Variants in DENND1B observed in about 807,000 individuals in gnomAD.
DENND1B encodes the protein DENN domain-containing protein 1B.
Under a neutral mutation model 90.1 loss-of-function variants are expected in DENND1B, and 59 were observed. That is an observed-to-expected ratio of 0.65 (90% confidence interval 0.53 to 0.81). DENND1B has a LOEUF of 0.81. Ranked by LOEUF, DENND1B falls within the 40% of genes least tolerant of loss-of-function variation. DENND1B has a pLI of 0.00. For synonymous variants in DENND1B, 337 were observed against 324.6 expected (o/e 1.04, Z -0.41); for missense variants, 862 against 912.6 (o/e 0.94, Z 0.71).
At chr1:197,694,681 A>G (rs1379976307) in intron 3 of DENND1B, among the ~76,000 whole-genome samples, 2 of 151,392 alleles carry the variant, frequency 1.3e-5, no homozygotes, top group Non-Finnish European at 3.0e-5. Flanking sequence ...TTGGGAAACC[A>G]GATTTATTTC....
At chr1:197,546,599 T>C in intron 17 of DENND1B, 134 bp downstream of exon 17, 1 of 814,828 alleles carries the variant, frequency 1.2e-6, no homozygotes, top group Non-Finnish European at 1.8e-6. Context: ...AATAAGAATA[T>C]TTAAAATGTG....
chr1:197,549,142 CA>C (rs1671033693), intron 16 of DENND1B, among the ~76,000 whole-genome samples: 2 of 152,094 alleles, frequency 1.3e-5, no homozygotes, highest in South Asian at 2.1e-4. Context: ...AAATTCTTAA[CA>C]TTATTTTTGT....
At chr1:197,583,285 A>G (rs766669241) in intron 14 of DENND1B, 32 bp from the exon 15 acceptor site, 3 of 1,600,338 alleles carry the variant, frequency 1.9e-6, no homozygotes, top group African/African-American at 1.3e-5. Flanking sequence ...AAGGGCATCA[A>G]TAAAAGGTTA....
chr1:197,618,908 C>T (rs530105029), intron 10 of DENND1B, among the ~76,000 whole-genome samples: 12 of 151,064 alleles, frequency 7.9e-5, no homozygotes, highest in Non-Finnish European at 1.5e-4. Flanking sequence ...CTATCCAAAT[C>T]CTATTATTAG....
Position 197,715,827 on chromosome 1 carries a change from C to G in DENND1B, c.83-753G>C, listed in dbSNP as rs372407040. Among the ~76,000 whole-genome samples the G allele has an allele frequency of 5.3e-5, 8 of 151,616 alleles. No homozygotes were observed. In the South Asian group the frequency reaches 8.3e-4, roughly 16 times the overall value. Reference sequence around the variant, plus strand: ...TGCTAAGATCTTAGTTTAGTAAGCACTAATAAATATTTTAGCCATATACTT... The same window carrying G: ...TGCTAAGATCTTAGTTTAGTAAGCAGTAATAAATATTTTAGCCATATACTT... On this transcript the variant is annotated intron_variant, in intron 2 of 22. Transcript: ENST00000620048.
rs528595144 is a variant in DENND1B at position 197,735,856 on chromosome 1, G to C, written c.83-20782C>G. On this transcript the variant is annotated intron_variant, in intron 2 of 22. Transcript: ENST00000620048. Reference sequence around the variant, plus strand: ...GAAATTCAAAAGAAAAGAACTTGCCGAGCAGTCAAATTGCAGGGGGCTATT... The same window carrying C: ...GAAATTCAAAAGAAAAGAACTTGCCCAGCAGTCAAATTGCAGGGGGCTATT... 8 of 1,595,584 alleles carry C rather than the reference G, an allele frequency of 5.0e-6. No homozygotes were observed. In the South Asian group the frequency reaches 7.7e-5, roughly 15 times the overall value.
upstream of DENND1B, among the ~76,000 whole-genome samples, chr1:197,780,245 T>C (rs1262658475): frequency 6.6e-6 from 1 of 151,912 alleles, no homozygotes; most frequent in Non-Finnish European, 1.5e-5. Context: ...TGAAGACCCA[T>C]AAGACCATGA....
intron 3 of DENND1B, chr1:197,685,549 T>G (rs1558400404): frequency 6.6e-6 from 1 of 152,204 alleles, no homozygotes; most frequent in Non-Finnish European, 1.5e-5. Flanking sequence ...ATCCTAATTA[T>G]GTTCTGTATT....
At chr1:197,589,475 T>C (rs1261630858) in intron 14 of DENND1B, among the ~76,000 whole-genome samples, 1 of 152,190 alleles carries the variant, frequency 6.6e-6, no homozygotes, top group African/African-American at 2.4e-5. Context: ...AAAGGATGTG[T>C]AAAATGTTTT....
At chr1:197,735,767 G>A in intron 2 of DENND1B, 4 of 1,611,642 alleles carry the variant, frequency 2.5e-6, no homozygotes, top group Non-Finnish European at 3.4e-6. Flanking sequence ...TTTCCAGGGG[G>A]AATCCTCGGC....
intron 14 of DENND1B, among the ~76,000 whole-genome samples, chr1:197,584,266 G>C (rs886561363): frequency 1.3e-5 from 2 of 152,074 alleles, no homozygotes; most frequent in Non-Finnish European, 2.9e-5. Flanking sequence ...ATAAAATAAT[G>C]AGAGTAACTA....
chr1:197,616,855 C>T (rs1378322764), intron 11 of DENND1B, among the ~76,000 whole-genome samples: 2 of 151,096 alleles, frequency 1.3e-5, no homozygotes, highest in Admixed American at 1.3e-4. Context: ...AATCCCATCA[C>T]ATTTCTTAAG....
intron 15 of DENND1B, among the ~76,000 whole-genome samples, chr1:197,561,667 T>C (rs1021526912): frequency 6.6e-6 from 1 of 151,746 alleles, no homozygotes; most frequent in East Asian, 1.9e-4. Flanking sequence ...TATCTTGACT[T>C]AATATGTCTG....
intron 2 of DENND1B, among the ~76,000 whole-genome samples, chr1:197,749,490 A>T (rs888765572): frequency 1.3e-5 from 2 of 152,128 alleles, no homozygotes; most frequent in Admixed American, 6.5e-5. Flanking sequence ...AAGACAACAG[A>T]ACATTATTAA....
intron 2 of DENND1B, among the ~76,000 whole-genome samples, chr1:197,758,494 A>G (rs1489630525): frequency 1.3e-5 from 2 of 152,228 alleles, no homozygotes; most frequent in Admixed American, 6.5e-5. Flanking sequence ...TTTTCATGCT[A>G]TTATGTATTT....
At chr1:197,580,359 G>A (rs10801616) in intron 15 of DENND1B, among the ~76,000 whole-genome samples, 1 of 150,020 alleles carries the variant, frequency 6.7e-6, no homozygotes. Context: ...CGGTCTCCCA[G>A]AGTGCTGGGA....
At chr1:197,563,989 C>T (rs536073475) in intron 15 of DENND1B, among the ~76,000 whole-genome samples, 10 of 151,890 alleles carry the variant, frequency 6.6e-5, no homozygotes, top group South Asian at 4.2e-4. Context: ...AACCTGAATA[C>T]GTGACTAAAT....
At chr1:197,692,259 C>T (rs1267196322) in intron 3 of DENND1B, among the ~76,000 whole-genome samples, 1 of 151,822 alleles carries the variant, frequency 6.6e-6, no homozygotes, top group Non-Finnish European at 1.5e-5. Flanking sequence ...CTCCAACAGG[C>T]TCCTTTTATC....
chr1:197,617,297 A>T (rs1188883864), intron 11 of DENND1B, among the ~76,000 whole-genome samples: 10 of 151,174 alleles, frequency 6.6e-5, no homozygotes, highest in Non-Finnish European at 1.3e-4. Flanking sequence ...GGTTGCTGGC[A>T]GATTTGCCAG....
Sources: gnomAD v4.1 joint callset for allele counts (sites outside exome capture counted in the v4.1 genomes callset) on GRCh38, gnomAD v4.1.1 for gene constraint, MANE v1.5 for transcripts, NCBI Gene and HGNC (gene_info 2026-07-23, HGNC 2026-07-21) for gene names.